The following TMPRSS9 variants were observed in gnomAD, a reference collection of about 807,000 sequenced individuals.
The protein encoded by TMPRSS9 is transmembrane protease serine 9.
TMPRSS9 carries 113 observed loss-of-function variants against 111.4 expected under a neutral mutation model. The observed-to-expected ratio is 1.01, with a 90% CI of 0.87 to 1.19. TMPRSS9 has a LOEUF of 1.19. Among genes scored for constraint, TMPRSS9 ranks in the 50% most tolerant of loss-of-function variants. TMPRSS9 has a pLI of 0.00. For synonymous variants in TMPRSS9, 805 were observed against 659.1 expected (o/e 1.22, Z -3.39); for missense variants, 1,803 against 1,513.1 (o/e 1.19, Z -3.18).
chr19:2,412,805 A>C (rs1462440395), intron 9 of TMPRSS9, among the ~76,000 whole-genome samples: 2 of 152,134 alleles, frequency 1.3e-5, no homozygotes, highest in Non-Finnish European at 2.9e-5. Flanking sequence ...GGGTGAGGAA[A>C]AGATGGGAGA....
At chr19:2,393,898 C>CAA (rs34160378) in intron 1 of TMPRSS9, among the ~76,000 whole-genome samples, 1,128 of 63,440 alleles carry the variant, frequency 0.018, 13 homozygotes, top group African/African-American at 0.059. Context: ...ACCATGTCTC[C>CAA]AAAAAAAAAA....
intron 1 of TMPRSS9, among the ~76,000 whole-genome samples, chr19:2,380,961 C>T (rs72989436): frequency 6.6e-6 from 1 of 152,094 alleles, no homozygotes; most frequent in African/African-American, 2.4e-5. Context: ...ACTCATCACT[C>T]TCTCAGAAAA....
At chr19:2,392,628 C>T (rs1237870157) in intron 1 of TMPRSS9, among the ~76,000 whole-genome samples, 2 of 152,184 alleles carry the variant, frequency 1.3e-5, no homozygotes, top group East Asian at 3.9e-4. Flanking sequence ...TTATGTCTAG[C>T]TGGAGGATTG....
intron 14 of TMPRSS9, among the ~76,000 whole-genome samples, chr19:2,423,060 TAAAAAAA>T (rs558254831): frequency 7.5e-6 from 1 of 132,834 alleles, no homozygotes; most frequent in South Asian, 2.4e-4. Context: ...CTAAAAAAAT[TAAAAAAA>T]AAAAAAAAAA....
At chr19:2,376,695 G>A (rs1970337602) in intron 1 of TMPRSS9, among the ~76,000 whole-genome samples, 1 of 152,106 alleles carries the variant, frequency 6.6e-6, no homozygotes, top group East Asian at 1.9e-4. Flanking sequence ...GACCTCAAAT[G>A]ATCCGCTCTC....
chr19:2,391,707 T>A (rs973877664), intron 1 of TMPRSS9, among the ~76,000 whole-genome samples: 5 of 150,760 alleles, frequency 3.3e-5, no homozygotes, highest in African/African-American at 1.2e-4. Flanking sequence ...TAAATATAAT[T>A]CCCATCAGGA....
intron 6 of TMPRSS9, among the ~76,000 whole-genome samples, chr19:2,403,862 G>A (rs1261274228): frequency 4.0e-5 from 6 of 151,790 alleles, no homozygotes; most frequent in Non-Finnish European, 7.4e-5. Flanking sequence ...GCGTGGTGGC[G>A]GGCGCCTGTA....
chr19:2,386,282 G>C (rs2145271983), upstream of TMPRSS9, among the ~76,000 whole-genome samples: 1 of 152,166 alleles, frequency 6.6e-6, no homozygotes, highest in African/African-American at 2.4e-5. Context: ...GAGGTGGGCA[G>C]ATCACGAGAT....
At chr19:2,361,139 G>A (rs183650111) in intron 1 of TMPRSS9, among the ~76,000 whole-genome samples, 1 of 126,920 alleles carries the variant, frequency 7.9e-6, no homozygotes, top group East Asian at 2.2e-4. Context: ...CTGGGATGGG[G>A]TGCAGGGCTG....
intron 11 of TMPRSS9, chr19:2,416,193 G>A: frequency 4.7e-6 from 2 of 427,084 alleles, no homozygotes; most frequent in Non-Finnish European, 8.4e-6. Flanking sequence ...GAGCCTGATG[G>A]TGCCACTGCA....
At chr19:2,400,187 T>C (rs1454424917) in intron 4 of TMPRSS9, among the ~76,000 whole-genome samples, 1 of 152,254 alleles carries the variant, frequency 6.6e-6, no homozygotes, top group Non-Finnish European at 1.5e-5. Context: ...GGATTTGGCC[T>C]ATGGCCGTAG....
chr19:2,408,031 C>G (rs1326822127), intron 7 of TMPRSS9, among the ~76,000 whole-genome samples: 1 of 151,918 alleles, frequency 6.6e-6, no homozygotes, highest in Non-Finnish European at 1.5e-5. Context: ...ATCCTCCCGC[C>G]TCAGCCTCCC....
In TMPRSS9 at chr19:2,421,835, C is replaced by T; in HGVS notation, c.2155-19C>T. On this transcript the variant is annotated intron_variant, in intron 13 of 17. Transcript: ENST00000648592. ...AGGGTCCCTGGAGGACCAACCAGTG[C>T]TCTTTCCTTCCTTTCTAGGGTGACT... The T allele has an allele frequency of 6.4e-7, 1 of 1,573,162 alleles. No homozygotes were observed. Among genetic ancestry groups the T allele is most frequent in the Admixed American group, 1.8e-5 (1 of 55,160 alleles).
exon 10 of TMPRSS9, chr19:2,413,973 C>G: frequency 6.2e-7 from 1 of 1,609,666 alleles, no homozygotes; most frequent in Non-Finnish European, 8.5e-7. Flanking sequence ...GATGCAGGCC[C>G]TCAGTACCGT....
At chr19:2,398,943 A>G in intron 3 of TMPRSS9, 75 bp from the exon 5 acceptor site, 3 of 1,541,636 alleles carry the variant, frequency 1.9e-6, no homozygotes, top group Non-Finnish European at 2.6e-6. Flanking sequence ...AGTTTGGAAG[A>G]TTCTAGAAGA....
chr19:2,403,257 C>A, intron 6 of TMPRSS9, 62 bp downstream of exon 7: 1 of 1,381,952 alleles, frequency 7.2e-7, no homozygotes, highest in Non-Finnish European at 1.0e-6. Context: ...CAGCTGCTGG[C>A]TCTGGTCTGT....
At chr19:2,362,683 A>G (rs988454002) in intron 1 of TMPRSS9, among the ~76,000 whole-genome samples, 1 of 151,870 alleles carries the variant, frequency 6.6e-6, no homozygotes, top group African/African-American at 2.4e-5. Context: ...ATATGTGTGA[A>G]GTTGTGTTTA....
intron 4 of TMPRSS9, among the ~76,000 whole-genome samples, chr19:2,400,973 C>CT (rs1368434721): frequency 2.7e-5 from 3 of 113,152 alleles, no homozygotes; most frequent in South Asian, 5.6e-4. Context: ...GAGACTCTGT[C>CT]TTAAAAAAAA....
chr19:2,376,772 A>G (rs946033039), intron 1 of TMPRSS9, among the ~76,000 whole-genome samples: 1 of 152,068 alleles, frequency 6.6e-6, no homozygotes, highest in Non-Finnish European at 1.5e-5. Flanking sequence ...ATGCATTTCT[A>G]GGAACGTACC....
Sources: gnomAD v4.1 joint callset for allele counts (sites outside exome capture counted in the v4.1 genomes callset) on GRCh38, gnomAD v4.1.1 for gene constraint, MANE v1.5 for transcripts, NCBI Gene and HGNC (gene_info 2026-07-23, HGNC 2026-07-21) for gene names.